Variants in GABRP observed in about 807,000 individuals in gnomAD.
GABRP encodes the protein gamma-aminobutyric acid receptor subunit pi.
Under a neutral mutation model 47.8 loss-of-function variants are expected in GABRP, and 52 were observed. The observed-to-expected ratio is 1.09, with a 90% CI of 0.87 to 1.37. The LOEUF (loss-of-function observed/expected upper bound fraction) is 1.37. Ranked by LOEUF, GABRP falls within the 40% of genes most tolerant of loss-of-function variation. The probability of loss-of-function intolerance (pLI) is 0.00; values close to 1 mark genes in which losing one functional copy is unlikely to be tolerated. For missense variants in GABRP, 525 were observed against 542.8 expected (o/e 0.97, Z 0.33); for synonymous variants, 221 against 205.8 (o/e 1.07, Z -0.63).
At position 170,808,795 on chromosome 5, in the gene GABRP, G is replaced by A; in HGVS notation, c.832+43G>A. The A allele has an allele frequency of 2.5e-6, 4 of 1,577,474 alleles. No individual in the cohort carries two copies. The South Asian group carries it at 4.5e-5, about 18-fold the overall frequency. On this transcript the variant is annotated intron_variant, in intron 8 of 9. Coordinates refer to ENST00000265294, the MANE Select transcript of GABRP (RefSeq NM_014211.3). Reference sequence around the variant, plus strand: ...GAGATTTCTAAGAACTGGCTTATCAGGTTACTTACTTTTTTTCCTTTTACC... The same window carrying A: ...GAGATTTCTAAGAACTGGCTTATCAAGTTACTTACTTTTTTTCCTTTTACC...
At chr5:170,797,355 T>C (rs1476356751) in intron 5 of GABRP, 111 bp from the exon 6 acceptor site, 1 of 717,480 alleles carries the variant, frequency 1.4e-6, no homozygotes, top group Non-Finnish European at 2.6e-6. Context: ...CCAAGCTACA[T>C]GTTCATTTAA....
intron 5 of GABRP, among the ~76,000 whole-genome samples, 183 bp downstream of exon 5, chr5:170,795,608 G>A (rs1223659039): frequency 1.3e-5 from 2 of 152,160 alleles, no homozygotes; most frequent in African/African-American, 4.8e-5. Flanking sequence ...TGCCTGCTCT[G>A]TGCCAAGCCC....
intron 1 of GABRP, 63 bp from the exon 2 acceptor site, chr5:170,788,511 G>A (rs1269387172): frequency 1.8e-6 from 2 of 1,093,968 alleles, no homozygotes; most frequent in East Asian, 4.7e-5. Context: ...AGAGAGAGAG[G>A]CTGGCCAGGA....
At chr5:170,792,899 G>A (rs1352723345) in intron 3 of GABRP, among the ~76,000 whole-genome samples, 1 of 152,146 alleles carries the variant, frequency 6.6e-6, no homozygotes, top group Non-Finnish European at 1.5e-5. Flanking sequence ...ACCCCCGGGG[G>A]TTATTTATTG....
chr5:170,794,435 G>A (rs1197939395), intron 4 of GABRP, 137 bp downstream of exon 4: 3 of 472,216 alleles, frequency 6.4e-6, no homozygotes, highest in African/African-American at 6.0e-5. Context: ...AATGGCAGAA[G>A]CTGGAGTGCT....
rs746254756 is a variant in GABRP, at chr5:170,805,392, G to A, written c.542-324G>A. Among the ~76,000 whole-genome samples, 5 of 152,116 alleles carry A rather than the reference G, an allele frequency of 3.3e-5. No individual in the cohort carries two copies. In the East Asian group the frequency reaches 5.8e-4, roughly 18 times the overall value. On this transcript the variant is annotated intron_variant, in intron 6 of 9. Transcript: ENST00000265294. ...CAATCTTGAAAGGCAGTATCTTTGC[G>A]TGTTCACAGATATGTGCTTAATAAA...
intron 6 of GABRP, among the ~76,000 whole-genome samples, chr5:170,801,892 C>T (rs1473428842): frequency 6.6e-6 from 1 of 151,756 alleles, no homozygotes; most frequent in Non-Finnish European, 1.5e-5. Context: ...GAAAGTGTCA[C>T]TTGGAATGAG....
Position 170,809,579 on chromosome 5 carries a change from G to A in GABRP, c.844G>A (p.Val282Met), listed in dbSNP as rs760731394. 6.2e-6 allele frequency: 10 copies of A among 1,613,898 alleles called. No individual in the cohort carries two copies. Among genetic ancestry groups the A allele is most frequent in the East Asian group, 4.5e-5 (2 of 44,878 alleles). The change falls in exon 9 of 10, where the codon GTG (valine) becomes ATG (methionine). Residue 282 changes from valine (V) to methionine (M), a missense_variant. By Grantham distance (21) the Val-to-Met change is conservative (BLOSUM62 1). Coordinates refer to ENST00000265294, the MANE Select transcript of GABRP (RefSeq NM_014211.3). Reference protein sequence around the residue: ...PARTCIGVTTVLSMTTLMIGS... With the variant: ...PARTCIGVTTMLSMTTLMIGS... ...GCCTGTTTTCCCAGGAGTGACGACC[G>A]TGTTATCAATGACCACACTGATGAT... is the stretch of plus-strand genomic sequence containing the variant.
chr5:170,811,414 C>A (rs966051384), intron 9 of GABRP, among the ~76,000 whole-genome samples: 2 of 151,788 alleles, frequency 1.3e-5, no homozygotes, highest in African/African-American at 2.4e-5. Flanking sequence ...GCTTTGGTGG[C>A]AAAGCCTTTA....
rs1183397268 is a variant in GABRP, at chr5:170,813,903, G to A, written c.*1645G>A. On this transcript the variant is annotated 3_prime_UTR_variant, in exon 10 of 10. Transcript: ENST00000265294. The stretch of plus-strand genomic sequence containing the variant: ...GAAAAGAGGTGAAATGTGGTTGTAT[G>A]AGCCAATCATATTTGTGATTTTTTA... 4.6e-5 allele frequency: 7 copies of A among 152,036 alleles called. No homozygotes were observed. Among genetic ancestry groups the A allele is most frequent in the Non-Finnish European group, 1.0e-4 (7 of 68,008 alleles). 9.4% of individuals were successfully genotyped at this position (152,036 alleles called of 1,614,324 possible).
At chr5:170,810,696 G>C (rs1201039900) in intron 9 of GABRP, among the ~76,000 whole-genome samples, 1 of 152,188 alleles carries the variant, frequency 6.6e-6, no homozygotes, top group Non-Finnish European at 1.5e-5. Flanking sequence ...CCCACCTTGA[G>C]CAAAGTGCTA....
intron 7 of GABRP, 117 bp from the exon 8 acceptor site, chr5:170,808,483 A>T: frequency 1.2e-6 from 1 of 854,146 alleles, no homozygotes; most frequent in Non-Finnish European, 1.8e-6. Context: ...CAGTTCATAC[A>T]TAACCAGATT....
chr5:170,790,296 G>A (rs1412578871), intron 3 of GABRP, among the ~76,000 whole-genome samples: 6 of 152,144 alleles, frequency 3.9e-5, no homozygotes, highest in African/African-American at 1.4e-4. Flanking sequence ...TTAGCCTTCT[G>A]TGCCTCACTG....
chr5:170,793,532 C>G (rs1359348516), intron 3 of GABRP, among the ~76,000 whole-genome samples: 2 of 152,112 alleles, frequency 1.3e-5, no homozygotes, highest in Non-Finnish European at 2.9e-5. Flanking sequence ...GGAAGAGAAG[C>G]AAAGTATCAG....
At chr5:170,807,693 T>C (rs1459485809) in intron 7 of GABRP, among the ~76,000 whole-genome samples, 1 of 152,138 alleles carries the variant, frequency 6.6e-6, no homozygotes, top group Admixed American at 6.5e-5. Flanking sequence ...AAATAATAAG[T>C]AATCTCTAGG....
At position 170,812,040 on chromosome 5, in the gene GABRP, G is replaced by A; in HGVS notation, c.1105G>A (p.Ala369Thr). 1 of 1,614,144 alleles carries A rather than the reference G, an allele frequency of 6.2e-7. No homozygotes were observed. Among genetic ancestry groups the A allele is most frequent in the Non-Finnish European group, 8.5e-7 (1 of 1,180,020 alleles). The part of the protein sequence containing the change: ...ISSFKRKISF[A>T]SIEISSDNVD... The stretch of plus-strand genomic sequence containing the variant: ...CAGCTTTAAACGGAAGATCAGCTTT[G>A]CCAGCATTGAAATTTCCAGCGACAA... Residue 369 changes from alanine (A) to threonine (T), a missense_variant, in exon 10 of 10, where the codon GCC becomes ACC. Transcript: ENST00000265294.
intron 1 of GABRP, among the ~76,000 whole-genome samples, chr5:170,784,201 C>T (rs1765071824): frequency 6.6e-6 from 1 of 152,186 alleles, no homozygotes. Flanking sequence ...CTAATTCGGG[C>T]TCTACTCCTG....
In GABRP at chr5:170,809,596, A is replaced by C; in HGVS notation, c.861A>C (p.Thr287=). Residue 287 remains threonine (T), a synonymous_variant, in exon 9 of 10, where the codon ACA becomes ACC. Transcript: ENST00000265294. ...IGVTTVLSMT[T]LMIGSRTSLP... ...TGACGACCGTGTTATCAATGACCAC[A>C]CTGATGATCGGGTCCCGCACTTCTC... The C allele has an allele frequency of 6.2e-7, 1 of 1,614,098 alleles. No homozygotes were observed.
rs1219634461 is a variant in GABRP at position 170,813,960 on chromosome 5, A to C, written c.*1702A>C. 2 of 152,202 alleles carry C rather than the reference A, an allele frequency of 1.3e-5. No individual in the cohort carries two copies. The highest frequency in any genetic ancestry group is 2.9e-5 in the Non-Finnish European group (2 of 68,038). 9.4% of individuals were successfully genotyped at this position (152,202 alleles called of 1,614,324 possible). A position where few individuals can be genotyped will look rare whatever the true frequency, so the allele number is the denominator to read the frequency against. ...GTTTAAAAGGAAATATCTGTTCTGA[A>C]ACCCCACTTAAGCATTGTTTTTATA... On this transcript the variant is annotated 3_prime_UTR_variant, in exon 10 of 10. Transcript: ENST00000265294.
Sources: allele counts gnomAD v4.1 joint callset (sites outside exome capture counted in the v4.1 genomes callset), GRCh38; gene constraint gnomAD v4.1.1; transcripts MANE v1.5; gene names NCBI Gene and HGNC (gene_info 2026-07-23, HGNC 2026-07-21).